The following CEACAM21 variants were observed in gnomAD, a reference collection of about 807,000 sequenced individuals.
The protein encoded by CEACAM21 is cell adhesion molecule CEACAM21.
A neutral mutation model predicts 33.2 loss-of-function variants in CEACAM21; 38 were observed. That is an observed-to-expected ratio of 1.14 (90% CI 0.88 to 1.50). The LOEUF (loss-of-function observed/expected upper bound fraction) is 1.50, where lower values mean the gene tolerates loss of function less well. Among genes scored for constraint, CEACAM21 ranks in the 40% most tolerant of loss-of-function variants. The pLI is 0.00. For synonymous variants in CEACAM21, 156 were observed against 143.0 expected (o/e 1.09, Z -0.65); for missense variants, 385 against 364.6 (o/e 1.06, Z -0.46).
chr19:41,584,320 C>T, intron 3 of CEACAM21, 27 bp from the exon 4 acceptor site: 1 of 1,591,352 alleles, frequency 6.3e-7, no homozygotes, highest in Non-Finnish European at 8.6e-7. Context: ...AGATTTGGAC[C>T]TCATCCCCTT....
At chr19:41,585,312 C>T (rs2070647067) in intron 4 of CEACAM21, 131 bp from the exon 5 acceptor site, 3 of 913,230 alleles carry the variant, frequency 3.3e-6, no homozygotes, top group Non-Finnish European at 5.3e-6. Context: ...CCCCTCCTAC[C>T]ACAGAACTCC....
Position 41,579,516 on chromosome 19 carries a change from C to G in CEACAM21, c.588C>G (p.Asn196Lys). The part of the protein sequence containing the change: ...VTKRMKLSWF[N>K]HVLTIDPIRQ... ...AGAGGATGAAGCTGTCCTGGTTTAA[C>G]CATGTGCTCACCATAGACCCCATCA... Residue 196 changes from asparagine to lysine, a missense_variant, in exon 3 of 7, where the codon AAC (asparagine) becomes AAG (lysine). By Grantham distance (94) the Asn-to-Lys change is moderately conservative. Transcript: ENST00000401445. 6.2e-7 allele frequency: 1 copy of G among 1,613,704 alleles called. No individual in the cohort carries two copies. Among genetic ancestry groups the G allele is most frequent in the Non-Finnish European group, 8.5e-7 (1 of 1,179,734 alleles).
At chr19:41,586,042 C>T (rs372942195) in intron 6 of CEACAM21, 171 bp downstream of exon 6, 10 of 687,168 alleles carry the variant, frequency 1.5e-5, no homozygotes, top group African/African-American at 7.1e-5. Flanking sequence ...GGATCATCCA[C>T]TCCCTGTGCT....
chr19:41,583,090 A>G (rs1293068199), intron 3 of CEACAM21, among the ~76,000 whole-genome samples: 1 of 152,200 alleles, frequency 6.6e-6, no homozygotes, highest in Admixed American at 6.5e-5. Context: ...CCCAAGTCAC[A>G]TCTTGAACAC....
chr19:41,571,617 A>G (rs1422191826), upstream of CEACAM21, among the ~76,000 whole-genome samples: 1 of 152,228 alleles, frequency 6.6e-6, no homozygotes, highest in African/African-American at 2.4e-5. Context: ...AATTGTAGCA[A>G]AGGAATTTCT....
chr19:41,558,174 A>G (rs1403053571), intron 1 of CEACAM21, among the ~76,000 whole-genome samples: 1 of 152,258 alleles, frequency 6.6e-6, no homozygotes, highest in East Asian at 1.9e-4. Context: ...CGTGGAAAAC[A>G]GAAAACAAAA....
At chr19:41,558,847 T>C (rs1555786155) in intron 1 of CEACAM21, among the ~76,000 whole-genome samples, 2 of 152,192 alleles carry the variant, frequency 1.3e-5, no homozygotes. Context: ...ATATTCTCTG[T>C]TTAAAAAGTA....
chr19:41,582,728 G>A (rs1273078467), intron 3 of CEACAM21, among the ~76,000 whole-genome samples: 3 of 152,184 alleles, frequency 2.0e-5, no homozygotes, highest in African/African-American at 7.2e-5. Context: ...CTGGGATGCA[G>A]GGCACCAAGT....
At chr19:41,560,607 C>G (rs1248907340) in intron 1 of CEACAM21, among the ~76,000 whole-genome samples, 4 of 152,226 alleles carry the variant, frequency 2.6e-5, no homozygotes, top group African/African-American at 9.6e-5. Context: ...AGACACAAGA[C>G]AGCAGTAAAT....
intron 5 of CEACAM21, 100 bp downstream of exon 5, chr19:41,585,595 TG>T: frequency 7.5e-7 from 1 of 1,339,800 alleles, no homozygotes; most frequent in Non-Finnish European, 1.1e-6. Flanking sequence ...ACCCTATCCC[TG>T]GGGCTGCAAA....
At chr19:41,580,652 G>GA (rs1555793224) in intron 3 of CEACAM21, among the ~76,000 whole-genome samples, 1 of 152,228 alleles carries the variant, frequency 6.6e-6, no homozygotes, top group African/African-American at 2.4e-5. Flanking sequence ...TGGCATGTGG[G>GA]AAGGGGTGTG....
At chr19:41,560,017 C>CA (rs1555786438) in intron 1 of CEACAM21, among the ~76,000 whole-genome samples, 1 of 152,042 alleles carries the variant, frequency 6.6e-6, no homozygotes, top group Non-Finnish European at 1.5e-5. Flanking sequence ...CAAAACAAAA[C>CA]AAAAAGCATG....
chr19:41,585,427 C>A lies in CEACAM21; in HGVS notation c.798-16C>A, dbSNP rs2070657938. ...TTTAACCTTGCACCTTCACAAATAA[C>A]CCTGACCTTTCCTAGGGCCAGCGAT... is the stretch of plus-strand genomic sequence containing the variant. On this transcript the variant is annotated splice_polypyrimidine_tract_variant and intron_variant, in intron 4 of 6. Coordinates refer to ENST00000401445, the MANE Select transcript of CEACAM21 (RefSeq NM_001098506.4). The A allele has an allele frequency of 6.2e-7, 1 of 1,613,790 alleles. No individual in the cohort carries two copies.
chr19:41,551,378 C>G (rs1291844102), intron 1 of CEACAM21: 2 of 152,202 alleles, frequency 1.3e-5, no homozygotes, highest in African/African-American at 4.8e-5. Flanking sequence ...TCGCTGGTCT[C>G]GAACTCCCGA....
chr19:41,561,700 C>T (rs2041893331), intron 1 of CEACAM21, among the ~76,000 whole-genome samples: 3 of 152,266 alleles, frequency 2.0e-5, no homozygotes, highest in East Asian at 3.9e-4. Flanking sequence ...TTTAAGACAG[C>T]GTGCTATTGG....
In CEACAM21 at chr19:41,585,912, C is replaced by T. The variant is rs2070703491; in HGVS notation, c.*41C>T. 4 of 1,602,330 alleles carry T rather than the reference C, an allele frequency of 2.5e-6. No individual in the cohort carries two copies. In the Admixed American group the frequency reaches 6.7e-5, roughly 27 times the overall value. ...CCCAATCCCATTTCCACTGGGGCCC[C>T]AGCTGTGCAGGCTCAGGGCAGGGGG... On this transcript the variant is annotated intron_variant, in intron 6 of 6. Coordinates refer to ENST00000401445, the MANE Select transcript of CEACAM21 (RefSeq NM_001098506.4).
upstream of CEACAM21, among the ~76,000 whole-genome samples, chr19:41,574,879 C>T (rs2042834151): frequency 6.6e-6 from 1 of 152,132 alleles, no homozygotes; most frequent in Non-Finnish European, 1.5e-5. Context: ...CAAACAGATA[C>T]TTCCAAGTGT....
upstream of CEACAM21, among the ~76,000 whole-genome samples, chr19:41,573,902 A>G (rs1224776136): frequency 1.3e-5 from 2 of 152,202 alleles, no homozygotes; most frequent in African/African-American, 2.4e-5. Context: ...GGCCAAAACA[A>G]TCTGGAAAAA....
chr19:41,557,561 T>C (rs145695316), intron 1 of CEACAM21, among the ~76,000 whole-genome samples: 1 of 152,254 alleles, frequency 6.6e-6, no homozygotes, highest in African/African-American at 2.4e-5. Context: ...GGAGTTTCTG[T>C]GAGGACTGGG....
Sources: gnomAD v4.1 joint callset for allele counts (sites outside exome capture counted in the v4.1 genomes callset) on GRCh38, gnomAD v4.1.1 for gene constraint, MANE v1.5 for transcripts, NCBI Gene and HGNC (gene_info 2026-07-23, HGNC 2026-07-21) for gene names.